Variants in SAXO1 observed in about 807,000 individuals in gnomAD.
SAXO1 encodes the protein 4930500O09Rik.
SAXO1 carries 21 observed loss-of-function variants against 17.5 expected under a neutral mutation model. The ratio of observed to expected loss-of-function variants is 1.20; its 90% CI spans 0.85 to 1.72. The LOEUF is 1.72. Among genes scored for constraint, SAXO1 ranks in the 40% most tolerant of loss-of-function variants. The probability of loss-of-function intolerance (pLI) is 0.00; values close to 1 mark genes in which losing one functional copy is unlikely to be tolerated. For missense variants in SAXO1, 843 were observed against 596.0 expected (o/e 1.41, Z -4.32); for synonymous variants, 274 against 216.5 (o/e 1.27, Z -2.33).
chr9:18,943,956 CT>C (rs1466163177), intron 2 of SAXO1, among the ~76,000 whole-genome samples: 1 of 152,230 alleles, frequency 6.6e-6, no homozygotes. Context: ...CCGCAGAAAC[CT>C]CCCTTCAAAG....
chr9:19,024,245 C>G (rs1446512536), intron 1 of SAXO1, among the ~76,000 whole-genome samples: 3 of 151,862 alleles, frequency 2.0e-5, no homozygotes, highest in Non-Finnish European at 4.4e-5. Context: ...TGCCCTGCAG[C>G]AAGGGCAGCC....
chr9:19,016,969 G>GT (rs1835001235), intron 1 of SAXO1, among the ~76,000 whole-genome samples: 1 of 151,992 alleles, frequency 6.6e-6, no homozygotes, highest in Admixed American at 6.6e-5. Flanking sequence ...GCCTGAGCAT[G>GT]TGACCAAGGC....
intron 1 of SAXO1, among the ~76,000 whole-genome samples, chr9:19,003,247 CACAA>C (rs1250910581): frequency 3.9e-5 from 6 of 152,088 alleles, no homozygotes; most frequent in Admixed American, 2.0e-4. Context: ...TAAAAGAGGA[CACAA>C]ACAAACGGAA....
chr9:19,047,364 C>T (rs1008339004), intron 1 of SAXO1, among the ~76,000 whole-genome samples: 1 of 149,030 alleles, frequency 6.7e-6, no homozygotes, highest in Non-Finnish European at 1.5e-5. Flanking sequence ...ACTCTGTCTC[C>T]AAAAAAAAGA....
chr9:19,027,650 G>A (rs17236531), intron 1 of SAXO1: 70,457 of 1,389,522 alleles, frequency 0.051, 1,981 homozygotes, highest in African/African-American at 0.077. Flanking sequence ...GGATGCCTTC[G>A]CCCTGGCCAA....
At position 18,940,406 on chromosome 9, in the gene SAXO1, CT is replaced by C. The variant is rs775989094; in HGVS notation, c.421+1230del. Among the ~76,000 whole-genome samples the C allele has an allele frequency of 1.5e-4, 23 of 152,322 alleles. No homozygotes were observed. The South Asian group carries it at 4.8e-3, about 32-fold the overall frequency. Reference sequence around the variant, plus strand: ...AAATAAAAGGGCAGAGCCCAGGTTGCTGAAGAGGCCCACGCCAATCCAGTCT... The same window carrying C: ...AAATAAAAGGGCAGAGCCCAGGTTGCGAAGAGGCCCACGCCAATCCAGTCT... On this transcript the variant is annotated intron_variant, in intron 3 of 3. Transcript: ENST00000380534.
At chr9:18,974,077 C>A (rs935126924) in intron 1 of SAXO1, among the ~76,000 whole-genome samples, 17 of 152,088 alleles carry the variant, frequency 1.1e-4, no homozygotes, top group African/African-American at 4.1e-4. Flanking sequence ...GCCCTTATGG[C>A]CAAGGAAGCA....
intron 1 of SAXO1, among the ~76,000 whole-genome samples, chr9:18,975,393 A>G (rs73645550): frequency 0.14 from 21,897 of 152,264 alleles, 2,111 homozygotes; most frequent in African/African-American, 0.28. Flanking sequence ...CGCTCTGCAC[A>G]TATGTCAGAC....
intron 1 of SAXO1, among the ~76,000 whole-genome samples, chr9:18,991,303 C>G (rs1833800720): frequency 6.6e-6 from 1 of 152,138 alleles, no homozygotes; most frequent in Admixed American, 6.6e-5. Flanking sequence ...AAAGCAAAAA[C>G]TGGGAACCAA....
At chr9:18,950,642 G>C (rs1831993794) in intron 2 of SAXO1, 116 bp downstream of exon 2, 1 of 836,480 alleles carries the variant, frequency 1.2e-6, no homozygotes, top group Admixed American at 2.5e-5. Context: ...ATCATATGTT[G>C]ATACTGCACA....
At chr9:19,045,304 G>T (rs1274944026) in intron 1 of SAXO1, among the ~76,000 whole-genome samples, 1 of 117,192 alleles carries the variant, frequency 8.5e-6, no homozygotes, top group Non-Finnish European at 1.6e-5. Flanking sequence ...GCGACAGAGC[G>T]AGACTCCGTC....
intron 1 of SAXO1, among the ~76,000 whole-genome samples, chr9:18,977,310 G>A (rs1185281078): frequency 2.6e-5 from 4 of 152,114 alleles, no homozygotes; most frequent in Admixed American, 2.6e-4. Flanking sequence ...CTTATAGCAG[G>A]CTCACTAGTA....
chr9:19,003,697 A>T (rs1266888280), intron 1 of SAXO1, among the ~76,000 whole-genome samples: 1 of 152,234 alleles, frequency 6.6e-6, no homozygotes, highest in African/African-American at 2.4e-5. Flanking sequence ...CCATATGTAG[A>T]AAGCTAAAAC....
rs1293556832 is a variant in SAXO1, at chr9:18,928,440, T to G, written c.1037A>C (p.Gln346Pro). 1 of 1,609,930 alleles carries G rather than the reference T, an allele frequency of 6.2e-7. No homozygotes were observed. The highest frequency in any genetic ancestry group is 8.5e-7 in the Non-Finnish European group (1 of 1,177,690). The change falls in exon 4 of 4, where the codon CAG becomes CCG. Residue 346 changes from glutamine to proline, a missense_variant. Transcript: ENST00000380534. ...TGGCTCTGTGCGCATGCTGGACCAC[T>G]GCTTGTAGTCATCCTTGGTGGTGGA... ...GSSTTKDDYK[Q>P]WSSMRTEPVK...
rs116325100 is a variant in SAXO1, at chr9:18,928,531, C to G, written c.946G>C (p.Gly316Arg). The G allele has an allele frequency of 5.0e-5, 80 of 1,613,964 alleles. No individual in the cohort carries two copies. The African/African-American group carries it at 6.7e-4, about 13-fold the overall frequency. ...GGTCGGCAGGACTGAGCTGGGGCACCCTTAGGGCATGTGTAATGGGCCTGC... is the reference window on the plus strand; with the variant it reads ...GGTCGGCAGGACTGAGCTGGGGCACGCTTAGGGCATGTGTAATGGGCCTGC... ...TVQAHYTCPK[G>R]APAQSCRPAL... Residue 316 changes from glycine to arginine, a missense_variant, in exon 4 of 4, where the codon GGT becomes CGT. By Grantham distance (125) the Gly-to-Arg change is moderately radical (BLOSUM62 -2). Transcript: ENST00000380534.
At chr9:18,960,766 G>A (rs548051982) in intron 1 of SAXO1, among the ~76,000 whole-genome samples, 1 of 151,068 alleles carries the variant, frequency 6.6e-6, no homozygotes, top group Non-Finnish European at 1.5e-5. Context: ...GGACAACAGA[G>A]CAAGACCCTG....
At chr9:19,035,192 T>G (rs1835904967), upstream of SAXO1, among the ~76,000 whole-genome samples, 1 of 152,220 alleles carries the variant, frequency 6.6e-6, no homozygotes, top group South Asian at 2.1e-4. Context: ...AAATCTAATC[T>G]TGAATTGTAC....
chr9:19,026,633 A>C (rs1274945842), intron 1 of SAXO1, among the ~76,000 whole-genome samples: 2 of 152,234 alleles, frequency 1.3e-5, no homozygotes, highest in African/African-American at 4.8e-5. Flanking sequence ...TTTCCAAACT[A>C]AGCAATGCTT....
chr9:18,930,751 G>A (rs1479834246), intron 3 of SAXO1, among the ~76,000 whole-genome samples: 10 of 152,078 alleles, frequency 6.6e-5, no homozygotes, highest in African/African-American at 1.4e-4. Context: ...CGCCCACCTC[G>A]GCCTCCCAAA....
Sources: gnomAD v4.1 joint callset for allele counts (sites outside exome capture counted in the v4.1 genomes callset) on GRCh38, gnomAD v4.1.1 for gene constraint, MANE v1.5 for transcripts, NCBI Gene and HGNC (gene_info 2026-07-23, HGNC 2026-07-21) for gene names.